The following PCED1B variants were observed in gnomAD, a reference collection of about 807,000 sequenced individuals.
PCED1B encodes the protein PC-esterase domain containing 1B.
For missense variants in PCED1B, 573 were observed against 573.9 expected (o/e 1.00, Z 0.02); for synonymous variants, 251 against 246.1 (o/e 1.02, Z -0.19).
chr12:47,207,411 T>C (rs1942944537), intron 2 of PCED1B, among the ~76,000 whole-genome samples: 1 of 152,022 alleles, frequency 6.6e-6, no homozygotes, highest in South Asian at 2.1e-4. Context: ...CCCAGAGCTG[T>C]GTGAGGCCCA....
intron 2 of PCED1B, among the ~76,000 whole-genome samples, chr12:47,153,219 G>A (rs968447350): frequency 3.3e-5 from 5 of 151,490 alleles, no homozygotes; most frequent in Admixed American, 1.3e-4. Context: ...GTGTGGTGGC[G>A]GGCGCCTGTA....
At chr12:47,159,861 A>G (rs1021673699) in intron 2 of PCED1B, among the ~76,000 whole-genome samples, 6 of 152,168 alleles carry the variant, frequency 3.9e-5, no homozygotes, top group Non-Finnish European at 4.4e-5. Context: ...TAGTAGTTTT[A>G]TAGTTTCGGA....
chr12:47,173,155 T>A (rs965706999), intron 2 of PCED1B, among the ~76,000 whole-genome samples: 1 of 151,998 alleles, frequency 6.6e-6, no homozygotes, highest in South Asian at 2.1e-4. Flanking sequence ...CTATGGCGGG[T>A]AGTAGAAGGA....
chr12:47,107,483 A>C (rs2137246238), intron 2 of PCED1B, among the ~76,000 whole-genome samples: 1 of 152,350 alleles, frequency 6.6e-6, no homozygotes. Context: ...GAACATGTTG[A>C]GATTGTGACC....
At chr12:47,225,312 A>C (rs1314419276) in intron 3 of PCED1B, among the ~76,000 whole-genome samples, 1 of 152,096 alleles carries the variant, frequency 6.6e-6, no homozygotes, top group African/African-American at 2.4e-5. Flanking sequence ...TTTGATCCTA[A>C]AGCCACTTTT....
chr12:47,160,446 A>T (rs1941341469), intron 2 of PCED1B, among the ~76,000 whole-genome samples: 1 of 150,754 alleles, frequency 6.6e-6, no homozygotes. Context: ...GGATTATAGG[A>T]ATGCACCACC....
intron 2 of PCED1B, among the ~76,000 whole-genome samples, chr12:47,175,512 C>G (rs2137574333): frequency 1.3e-5 from 2 of 152,086 alleles, no homozygotes; most frequent in South Asian, 4.2e-4. Flanking sequence ...TACAGAAATC[C>G]CACTTCAGAA....
intron 3 of PCED1B, among the ~76,000 whole-genome samples, chr12:47,229,624 G>C (rs974963706): frequency 7.9e-5 from 12 of 152,174 alleles, no homozygotes; most frequent in African/African-American, 2.9e-4. Flanking sequence ...TTTAAATTTT[G>C]TGCATGAAAC....
At chr12:47,089,925 A>C (rs750667898) in intron 1 of PCED1B, among the ~76,000 whole-genome samples, 4 of 151,950 alleles carry the variant, frequency 2.6e-5, no homozygotes, top group Non-Finnish European at 4.4e-5. Flanking sequence ...AGGCACACAC[A>C]CCATGCCCAG....
chr12:47,221,602 A>G (rs184219152), intron 3 of PCED1B, among the ~76,000 whole-genome samples: 166 of 152,348 alleles, frequency 1.1e-3, no homozygotes, highest in African/African-American at 3.8e-3. Context: ...AGCAAAGTAT[A>G]TTTCCACCCA....
At chr12:47,135,561 C>T in intron 2 of PCED1B, 1 of 513,698 alleles carries the variant, frequency 1.9e-6, no homozygotes, top group Non-Finnish European at 4.0e-6. Context: ...GAGCCAGGGC[C>T]CAGATGTTCA....
At chr12:47,090,881 T>TTTGGAACATTGTTCCAAAAA (rs1251158997) in intron 1 of PCED1B, among the ~76,000 whole-genome samples, 1 of 151,996 alleles carries the variant, frequency 6.6e-6, no homozygotes, top group Admixed American at 6.5e-5. Flanking sequence ...CATTGGAATA[T>TTTGGAACATTGTTCCAAAAA]TTGGAACATT....
chr12:47,199,124 T>C lies in PCED1B; in HGVS notation c.-525-17098T>C, dbSNP rs113910288. ...TAATTGCTTTCCTATATATCAGAAA[T>C]GAACAACTGGAATTTGAAATAAAAA... On this transcript the variant is annotated intron_variant, in intron 2 of 3. Coordinates refer to ENST00000546455, the MANE Select transcript of PCED1B (RefSeq NM_138371.3). Among the ~76,000 whole-genome samples, 12 of 152,206 alleles carry C rather than the reference T, an allele frequency of 7.9e-5. 1 individual carries two copies. Among genetic ancestry groups the C allele is most frequent in the Admixed American group, 4.6e-4 (7 of 15,294 alleles).
chr12:47,110,473 A>G (rs1435343396), intron 2 of PCED1B, among the ~76,000 whole-genome samples: 2 of 152,242 alleles, frequency 1.3e-5, no homozygotes, highest in Non-Finnish European at 2.9e-5. Flanking sequence ...AACAAAGACA[A>G]TGTGTTCAAC....
chr12:47,233,840 C>G (rs1161416199), intron 3 of PCED1B, among the ~76,000 whole-genome samples: 4 of 152,246 alleles, frequency 2.6e-5, no homozygotes, highest in South Asian at 4.2e-4. Context: ...TATTCCGGTT[C>G]TCTTCAAATG....
intron 1 of PCED1B, among the ~76,000 whole-genome samples, chr12:47,097,921 C>T (rs1938545702): frequency 6.6e-6 from 1 of 152,180 alleles, no homozygotes. Context: ...CAAATTGTTA[C>T]CCATGCTCCA....
In PCED1B at chr12:47,235,091, C is replaced by T. The variant is rs750880842; in HGVS notation, c.28C>T (p.Arg10Trp). The change falls in exon 4 of 4, where the codon CGG becomes TGG. Residue 10 changes from arginine to tryptophan, a missense_variant. Physicochemically the swap from Arg to Trp is moderately radical, Grantham distance 101 (BLOSUM62 -3). Coordinates refer to ENST00000546455, the MANE Select transcript of PCED1B (RefSeq NM_138371.3). ...GATCCTTCTGCGGGCCTCCGAAGTG[C>T]GGCAGCTGCTTCACAATAAGTTCGT... is the stretch of plus-strand genomic sequence containing the variant. The part of the protein sequence containing the change: MILLRASEV[R>W]QLLHNKFVVI... 2 of 1,529,200 alleles carry T rather than the reference C, an allele frequency of 1.3e-6. No individual in the cohort carries two copies. The highest frequency in any genetic ancestry group is 1.8e-6 in the Non-Finnish European group (2 of 1,139,796). 94.7% of individuals were successfully genotyped at this position (1,529,200 alleles called of 1,614,324 possible).
At position 47,235,674 on chromosome 12, in the gene PCED1B, C is replaced by G; in HGVS notation, c.611C>G (p.Ala204Gly). 1.9e-6 allele frequency: 3 copies of G among 1,613,148 alleles called. No individual in the cohort carries two copies. Among genetic ancestry groups the G allele is most frequent in the Non-Finnish European group, 2.5e-6 (3 of 1,179,940 alleles). The change falls in exon 4 of 4, where the codon GCA becomes GGA. Residue 204 changes from alanine to glycine, a missense_variant. Coordinates refer to ENST00000546455, the MANE Select transcript of PCED1B (RefSeq NM_138371.3). Reference sequence around the variant, plus strand: ...GCCAACTTCCACAGCGCCACCGAGGCACGTAAACATAACTTCGATGTACTG... The same window carrying G: ...GCCAACTTCCACAGCGCCACCGAGGGACGTAAACATAACTTCGATGTACTG... ...VKANFHSATE[A>G]RKHNFDVLDL...
At chr12:47,192,488 T>C (rs1942475988) in intron 2 of PCED1B, among the ~76,000 whole-genome samples, 1 of 152,210 alleles carries the variant, frequency 6.6e-6, no homozygotes, top group South Asian at 2.1e-4. Context: ...CATTCAAAAC[T>C]TTCCTTTGGG....
Sources: allele counts gnomAD v4.1 joint callset (sites outside exome capture counted in the v4.1 genomes callset), GRCh38; gene constraint gnomAD v4.1.1; transcripts MANE v1.5; gene names NCBI Gene and HGNC (gene_info 2026-07-23, HGNC 2026-07-21).